The following TRAPPC9 variants were observed in gnomAD, a reference collection of about 807,000 sequenced individuals.
The protein encoded by TRAPPC9 is IKK2 binding protein.
Under a neutral mutation model 124.0 loss-of-function variants are expected in TRAPPC9, and 83 were observed. The ratio of observed to expected loss-of-function variants is 0.67; its 90% CI spans 0.56 to 0.80. TRAPPC9 has a LOEUF of 0.80. Among genes scored for constraint, TRAPPC9 ranks in the 30% least tolerant of loss-of-function variants. TRAPPC9 has a pLI of 0.00. For synonymous variants in TRAPPC9, 638 were observed against 617.5 expected, an observed-to-expected ratio of 1.03 and a Z score of -0.49; for missense variants, 1,302 against 1,508.3, an observed-to-expected ratio of 0.86 and a Z score of 2.27.
chr8:139,974,033 C>A (rs533003712), intron 19 of TRAPPC9, among the ~76,000 whole-genome samples: 1 of 152,194 alleles, frequency 6.6e-6, no homozygotes, highest in Non-Finnish European at 1.5e-5. Context: ...ATGGTCCCCC[C>A]ATCCCTGCCG....
At chr8:140,310,190 T>C (rs2066257052) in intron 10 of TRAPPC9, among the ~76,000 whole-genome samples, 1 of 152,192 alleles carries the variant, frequency 6.6e-6, no homozygotes, top group Non-Finnish European at 1.5e-5. Context: ...CTTAATGCTA[T>C]CGGTTTTCTT....
At chr8:140,436,727 A>G (rs796149150) in intron 3 of TRAPPC9, among the ~76,000 whole-genome samples, 9 of 152,344 alleles carry the variant, frequency 5.9e-5, no homozygotes, top group African/African-American at 2.2e-4. Flanking sequence ...CCTGCTGCAC[A>G]TGCCCTAGTC....
chr8:140,021,460 A>G (rs1839833651), intron 18 of TRAPPC9, among the ~76,000 whole-genome samples: 1 of 152,186 alleles, frequency 6.6e-6, no homozygotes, highest in Non-Finnish European at 1.5e-5. Context: ...TATTTCTTTA[A>G]GTAGTCAATT....
chr8:140,236,079 CTTTTTTTTTTT>C (rs765201850), intron 16 of TRAPPC9, among the ~76,000 whole-genome samples: 3 of 111,722 alleles, frequency 2.7e-5, no homozygotes, highest in Non-Finnish European at 5.4e-5. Context: ...ACTGTATTTC[CTTTTTTTTTTT>C]TTTTTTTTTT....
chr8:140,393,036 TATTTTATTTTA>T (rs750000578), intron 7 of TRAPPC9, among the ~76,000 whole-genome samples: 3,080 of 26,848 alleles, frequency 0.11, 119 homozygotes, highest in African/African-American at 0.36. Context: ...ATTTTATTTT[TATTTTATTTTA>T]TTTTATTTTA....
At chr8:139,768,067 C>T (rs1475555326) in intron 21 of TRAPPC9, among the ~76,000 whole-genome samples, 1 of 152,104 alleles carries the variant, frequency 6.6e-6, no homozygotes, top group Admixed American at 6.5e-5. Flanking sequence ...TATTGTAACA[C>T]TGAGAAACTA....
intron 19 of TRAPPC9, among the ~76,000 whole-genome samples, chr8:139,947,389 G>A (rs1043903957): frequency 6.6e-5 from 10 of 152,142 alleles, no homozygotes; most frequent in South Asian, 2.1e-4. Flanking sequence ...TTACTCAGCC[G>A]CCGGGAGCAA....
chr8:140,283,792 G>T, intron 14 of TRAPPC9, 97 bp downstream of exon 14: 1 of 1,340,440 alleles, frequency 7.5e-7, no homozygotes, highest in Non-Finnish European at 1.1e-6. Flanking sequence ...CTGGTCATAA[G>T]AATTACAGGC....
At chr8:140,247,895 T>G (rs892201280) in intron 16 of TRAPPC9, among the ~76,000 whole-genome samples, 2 of 152,252 alleles carry the variant, frequency 1.3e-5, no homozygotes, top group Non-Finnish European at 1.5e-5. Context: ...ATCCATCTCA[T>G]CTCTGAGTTT....
chr8:140,425,555 T>C (rs1415195179), intron 5 of TRAPPC9, among the ~76,000 whole-genome samples: 4 of 152,234 alleles, frequency 2.6e-5, no homozygotes, highest in African/African-American at 9.6e-5. Context: ...ATTTTTCTTA[T>C]AGCTCTAAGC....
At chr8:140,210,542 C>A (rs770569357) in intron 17 of TRAPPC9, among the ~76,000 whole-genome samples, 11 of 152,098 alleles carry the variant, frequency 7.2e-5, no homozygotes, top group African/African-American at 1.2e-4. Context: ...TGTCCCCCCA[C>A]GCCCCCGCTA....
chr8:140,156,524 G>C (rs1270911669), intron 17 of TRAPPC9, among the ~76,000 whole-genome samples: 3 of 152,170 alleles, frequency 2.0e-5, no homozygotes, highest in Non-Finnish European at 4.4e-5. Flanking sequence ...TATCATACAA[G>C]AGAAAGACCA....
In TRAPPC9 at chr8:139,962,625, G is replaced by A. The variant is rs912188469; in HGVS notation, c.2810+26101C>T. 1.0e-4 allele frequency among the ~76,000 whole-genome samples: 13 copies of A among 124,164 alleles called. 4 individuals are homozygous for A. The highest frequency in any genetic ancestry group is 2.5e-4 in the Non-Finnish European group (13 of 52,116). The allele number at this position is 124,164 out of a possible 152,430, so 81.5% of individuals were successfully genotyped here. ...GCCAGACATCAGTCCCAATCCTGGA[G>A]AACCCACTGCCATTCTCCCAGCCCC... On this transcript the variant is annotated intron_variant, in intron 19 of 22. Transcript: ENST00000438773.
chr8:140,102,440 T>C (rs573131473), intron 17 of TRAPPC9, among the ~76,000 whole-genome samples: 7 of 151,964 alleles, frequency 4.6e-5, no homozygotes, highest in Admixed American at 2.0e-4. Flanking sequence ...CAATAAATAT[T>C]TGTCCAATAA....
At chr8:139,992,956 C>T (rs1837735307) in intron 18 of TRAPPC9, among the ~76,000 whole-genome samples, 1 of 151,714 alleles carries the variant, frequency 6.6e-6, no homozygotes, top group African/African-American at 2.4e-5. Context: ...AATCTTTAGA[C>T]AAAATATAGA....
At chr8:140,406,946 TG>T (rs905543826) in intron 5 of TRAPPC9, among the ~76,000 whole-genome samples, 12 of 152,194 alleles carry the variant, frequency 7.9e-5, no homozygotes, top group Admixed American at 7.2e-4. Context: ...ACATAAACTG[TG>T]GGTAGAGAAT....
At chr8:140,272,382 T>TGATGGTGATGGTGGC (rs2064967989) in intron 15 of TRAPPC9, among the ~76,000 whole-genome samples, 1 of 106,364 alleles carries the variant, frequency 9.4e-6, no homozygotes, top group Non-Finnish European at 1.9e-5. Flanking sequence ...GTGGTGGTGA[T>TGATGGTGATGGTGGC]GATGGTGATG....
intron 11 of TRAPPC9, 78 bp downstream of exon 11, chr8:140,300,391 T>C (rs2065940445): frequency 2.5e-6 from 4 of 1,591,170 alleles, no homozygotes; most frequent in Non-Finnish European, 3.4e-6. Flanking sequence ...TGGCTCAAAA[T>C]GCTGTTCTAA....
chr8:139,869,224 A>C (rs1828737851), intron 21 of TRAPPC9, among the ~76,000 whole-genome samples: 1 of 152,220 alleles, frequency 6.6e-6, no homozygotes, highest in Non-Finnish European at 1.5e-5. Context: ...TGTGATTCTC[A>C]AAGGTTTAAA....
Sources: allele counts gnomAD v4.1 joint callset (sites outside exome capture counted in the v4.1 genomes callset), GRCh38; gene constraint gnomAD v4.1.1; transcripts MANE v1.5; gene names NCBI Gene and HGNC (gene_info 2026-07-23, HGNC 2026-07-21).